HDAC9: variants seen among roughly 807,000 people sequenced by gnomAD.
HDAC9 encodes the protein histone deacetylase 9, also known as MEF-2 interacting transcription repressor (MITR) protein.
In HDAC9, 41 loss-of-function variants were observed where a neutral mutation model predicts 139.4. The ratio of observed to expected loss-of-function variants is 0.29; its 90% CI spans 0.23 to 0.38. The LOEUF is 0.38. HDAC9 is among the 10% of genes least tolerant of loss of function. The pLI is 1.00. For synonymous variants in HDAC9, 517 were observed against 476.2 expected, an observed-to-expected ratio of 1.09 and a Z score of -1.12; for missense variants, 1,147 against 1,297.0, an observed-to-expected ratio of 0.88 and a Z score of 1.78.
At chr7:18,500,725 T>C (rs1315635465) in intron 2 of HDAC9, among the ~76,000 whole-genome samples, 1 of 152,150 alleles carries the variant, frequency 6.6e-6, no homozygotes, top group African/African-American at 2.4e-5. Context: ...GACGTACCTT[T>C]CACCAACTAA....
rs1184284333 is a variant in HDAC9 at position 18,818,249 on chromosome 7, T to C, written c.2323-10912T>C. Reference sequence around the variant, plus strand: ...ATACTTAAGCACTGGGAGGTAATTATTGAACTCTAAATTACCAGTACACTC... The same window carrying C: ...ATACTTAAGCACTGGGAGGTAATTACTGAACTCTAAATTACCAGTACACTC... On this transcript the variant is annotated intron_variant, in intron 17 of 25. Transcript: ENST00000686413. 5.9e-5 allele frequency among the ~76,000 whole-genome samples: 9 copies of C among 152,328 alleles called. No homozygotes were observed. The Middle Eastern group carries it at 0.01, about 173-fold the overall frequency.
At chr7:18,836,110 A>G in intron 21 of HDAC9, 113 bp downstream of exon 21, 1 of 601,682 alleles carries the variant, frequency 1.7e-6, no homozygotes, top group Non-Finnish European at 2.9e-6. Context: ...TTATCGCTCA[A>G]AGCCACATAA....
At chr7:18,786,507 TC>T (rs1562940542) in intron 16 of HDAC9, among the ~76,000 whole-genome samples, 106 of 132,008 alleles carry the variant, frequency 8.0e-4, no homozygotes, top group South Asian at 1.3e-3. Context: ...CCTTCCTTCC[TC>T]TCTCTCATGT....
At chr7:18,784,062 C>T (rs148976410) in intron 16 of HDAC9, among the ~76,000 whole-genome samples, 4 of 151,904 alleles carry the variant, frequency 2.6e-5, no homozygotes, top group East Asian at 3.9e-4. Context: ...CATTTGAACA[C>T]GTGGCTACTT....
intron 1 of HDAC9, among the ~76,000 whole-genome samples, chr7:18,418,063 G>A (rs1789252825): frequency 6.6e-6 from 1 of 152,094 alleles, no homozygotes; most frequent in South Asian, 2.1e-4. Flanking sequence ...CACAATCATA[G>A]AGCTCACCAC....
rs542092452 is a variant in HDAC9 at position 18,330,176 on chromosome 7, A to G, written c.-42+39661A>G. On this transcript the variant is annotated intron_variant, in intron 1 of 3. Transcript: ENST00000413509. ...GATTGTGAAGATTCTTTTCAGAGACATAGGTTCAAAACTAAATGAAACCCA... is the reference window on the plus strand; with the variant it reads ...GATTGTGAAGATTCTTTTCAGAGACGTAGGTTCAAAACTAAATGAAACCCA... Among the ~76,000 whole-genome samples, 78 of 151,824 alleles carry G rather than the reference A, an allele frequency of 5.1e-4. 2 individuals are homozygous for G. The highest frequency in any genetic ancestry group is 3.1e-3 in the East Asian group (16 of 5,138).
chr7:18,340,831 A>C (rs1293357213), intron 1 of HDAC9, among the ~76,000 whole-genome samples: 3 of 151,406 alleles, frequency 2.0e-5, no homozygotes, highest in Admixed American at 6.6e-5. Context: ...TCTTTGTATA[A>C]ATCAATTTTC....
chr7:18,726,163 C>G lies in HDAC9; in HGVS notation c.1732-1417C>G, dbSNP rs537864381. ...ATGCAGCATTAACTCATATCATGTA[C>G]AGAGAAAGCTACAATTACGTAAAAC... On this transcript the variant is annotated intron_variant, in intron 12 of 25. Transcript: ENST00000686413. 2.6e-5 allele frequency among the ~76,000 whole-genome samples: 4 copies of G among 152,272 alleles called. No homozygotes were observed. The South Asian group carries it at 8.3e-4, about 32-fold the overall frequency.
chr7:18,957,967 A>T (rs1783274369), intron 24 of HDAC9, among the ~76,000 whole-genome samples: 1 of 152,194 alleles, frequency 6.6e-6, no homozygotes, highest in African/African-American at 2.4e-5. Flanking sequence ...CCTTATCCCA[A>T]GGCACATGGC....
At chr7:18,323,486 A>C (rs1393647149) in intron 1 of HDAC9, among the ~76,000 whole-genome samples, 2 of 152,136 alleles carry the variant, frequency 1.3e-5, no homozygotes, top group Non-Finnish European at 2.9e-5. Context: ...ATGAAGCCCA[A>C]AGTCAGGGCT....
chr7:18,499,908 A>G (rs1212345563), intron 2 of HDAC9, among the ~76,000 whole-genome samples: 1 of 152,126 alleles, frequency 6.6e-6, no homozygotes, highest in East Asian at 1.9e-4. Context: ...CACGTCACTT[A>G]TGTCTACTTG....
intron 1 of HDAC9, among the ~76,000 whole-genome samples, chr7:18,438,143 C>T (rs977151871): frequency 4.0e-5 from 6 of 151,416 alleles, no homozygotes; most frequent in South Asian, 2.1e-4. Flanking sequence ...TATAAGTTCT[C>T]ACAAATCAAA....
chr7:18,288,592 C>G (rs1019373077), upstream of HDAC9, among the ~76,000 whole-genome samples: 1 of 152,054 alleles, frequency 6.6e-6, no homozygotes, highest in Non-Finnish European at 1.5e-5. Flanking sequence ...GCCTGGAGCA[C>G]TTTATGATTA....
intron 2 of HDAC9, among the ~76,000 whole-genome samples, chr7:18,541,266 A>C (rs569652155): frequency 2.6e-4 from 38 of 146,190 alleles, no homozygotes; most frequent in Non-Finnish European, 4.8e-4. Flanking sequence ...GCTAATATGC[A>C]TGGATGGGTG....
intron 1 of HDAC9, among the ~76,000 whole-genome samples, chr7:18,426,395 G>T (rs1044487603): frequency 1.3e-5 from 2 of 152,068 alleles, no homozygotes; most frequent in African/African-American, 4.8e-5. Flanking sequence ...TGAATATTTT[G>T]CTAACATACA....
At chr7:18,435,995 T>TA (rs1325929434) in intron 1 of HDAC9, among the ~76,000 whole-genome samples, 1 of 150,850 alleles carries the variant, frequency 6.6e-6, no homozygotes, top group East Asian at 1.9e-4. Flanking sequence ...GTGTATTTTT[T>TA]ATTGAAGAGG....
chr7:18,248,854 C>T (rs923142879), intron 2 of HDAC9, among the ~76,000 whole-genome samples: 7 of 152,174 alleles, frequency 4.6e-5, no homozygotes, highest in African/African-American at 1.7e-4. Context: ...ATTCAGTCAA[C>T]ATTTATGCAA....
In HDAC9 at chr7:18,388,582, A is replaced by G. The variant is rs374224788; in HGVS notation, c.-42+98067A>G. Among the ~76,000 whole-genome samples, 20 of 152,314 alleles carry G rather than the reference A, an allele frequency of 1.3e-4. 1 individual carries two copies. The East Asian group carries it at 3.1e-3, about 23-fold the overall frequency. On this transcript the variant is annotated intron_variant, in intron 1 of 3. Transcript: ENST00000413509. ...TAACAGGTTCTGATATATTGCTTCTAGTCAGTTCCGTGACCAGGAAACACA... is the reference window on the plus strand; with the variant it reads ...TAACAGGTTCTGATATATTGCTTCTGGTCAGTTCCGTGACCAGGAAACACA...
chr7:18,581,686 A>G (rs894324244), intron 2 of HDAC9, among the ~76,000 whole-genome samples: 2 of 152,174 alleles, frequency 1.3e-5, no homozygotes, highest in Non-Finnish European at 2.9e-5. Flanking sequence ...TAAAAATGAA[A>G]TATATCATTA....
Sources: gnomAD v4.1 joint callset for allele counts (sites outside exome capture counted in the v4.1 genomes callset) on GRCh38, gnomAD v4.1.1 for gene constraint, MANE v1.5 for transcripts, NCBI Gene and HGNC (gene_info 2026-07-23, HGNC 2026-07-21) for gene names.